Variants in NOS1AP observed in about 807,000 individuals in gnomAD.
NOS1AP encodes the protein nitric oxide synthase 1 adaptor protein.
NOS1AP carries 21 observed loss-of-function variants against 56.2 expected under a neutral mutation model. The ratio of observed to expected loss-of-function variants is 0.37; its 90% CI spans 0.26 to 0.54. The LOEUF is 0.54. Among genes scored for constraint, NOS1AP ranks in the 20% least tolerant of loss-of-function variants. NOS1AP has a pLI of 0.84. For synonymous variants in NOS1AP, 270 were observed against 274.6 expected (o/e 0.98, Z 0.17); for missense variants, 522 against 657.8 (o/e 0.79, Z 2.26).
rs770775573 is a variant in NOS1AP at position 162,287,417 on chromosome 1, T to C, written c.251T>C (p.Ile84Thr). ...GTTTCAGTGGATGGAGTGAAAGTGA[T>C]TCTGAAGAAGAAGAAAAAGGTAAGT... ...IMVSVDGVKV[I>T]LKKKKKLLLL... The change falls in exon 3 of 10, where the codon ATT becomes ACT. Residue 84 changes from isoleucine to threonine, a missense_variant. By Grantham distance (89) the Ile-to-Thr change is moderately conservative. Around this residue, in one of 4 missense-constraint regions of NOS1AP, gnomAD observed 132 missense variants for 218.1 expected, o/e 0.61. Transcript: ENST00000361897. 85 of 1,612,190 alleles carry C rather than the reference T, an allele frequency of 5.3e-5. No homozygotes were observed. Among genetic ancestry groups the C allele is most frequent in the Non-Finnish European group, 5.2e-5 (61 of 1,178,398 alleles).
intron 1 of NOS1AP, among the ~76,000 whole-genome samples, chr1:162,071,869 A>T (rs560908672): frequency 6.6e-6 from 1 of 152,286 alleles, no homozygotes; most frequent in South Asian, 2.1e-4. Context: ...CCTATTTTAC[A>T]AGTAAGAGGG....
intron 4 of NOS1AP, among the ~76,000 whole-genome samples, chr1:162,320,430 A>G (rs1457619171): frequency 6.6e-6 from 1 of 152,188 alleles, no homozygotes; most frequent in African/African-American, 2.4e-5. Context: ...TGCATATAAC[A>G]CTTGAAGGAA....
chr1:162,353,086 G>C (rs369246013), intron 6 of NOS1AP, among the ~76,000 whole-genome samples: 1 of 122,358 alleles, frequency 8.2e-6, no homozygotes. Flanking sequence ...GCCCCCTGAC[G>C]ATCCTTCGAA....
At chr1:162,289,402 A>G (rs1042824079) in intron 3 of NOS1AP, among the ~76,000 whole-genome samples, 4 of 146,746 alleles carry the variant, frequency 2.7e-5, no homozygotes, top group Non-Finnish European at 6.0e-5. Flanking sequence ...AGTTCAACTG[A>G]TTCTCCTGCC....
chr1:162,345,570 A>G (rs967116066), intron 6 of NOS1AP, among the ~76,000 whole-genome samples: 1 of 152,214 alleles, frequency 6.6e-6, no homozygotes, highest in African/African-American at 2.4e-5. Flanking sequence ...ATGACAAATC[A>G]TGAAAGTCAA....
chr1:162,290,784 G>A (rs1655262343), intron 3 of NOS1AP, among the ~76,000 whole-genome samples: 1 of 152,146 alleles, frequency 6.6e-6, no homozygotes, highest in South Asian at 2.1e-4. Flanking sequence ...AGCTGGGAGG[G>A]ACCCTCACCC....
At chr1:162,289,131 G>A (rs1655179732) in intron 3 of NOS1AP, among the ~76,000 whole-genome samples, 3 of 152,090 alleles carry the variant, frequency 2.0e-5, no homozygotes, top group Admixed American at 2.0e-4. Context: ...GACACTCCCA[G>A]AATCTTCCCA....
chr1:162,098,203 C>T (rs1190921350), intron 1 of NOS1AP, among the ~76,000 whole-genome samples: 1 of 147,150 alleles, frequency 6.8e-6, no homozygotes, highest in Non-Finnish European at 1.5e-5. Flanking sequence ...GCCCCCTGGG[C>T]TCAAGCAGTC....
chr1:162,086,987 C>T (rs1324504948), intron 1 of NOS1AP, among the ~76,000 whole-genome samples: 1 of 152,164 alleles, frequency 6.6e-6, no homozygotes, highest in Non-Finnish European at 1.5e-5. Context: ...CTGTGTGCTT[C>T]CTTGTATTGC....
At chr1:162,320,598 G>A (rs1435308578) in intron 4 of NOS1AP, among the ~76,000 whole-genome samples, 1 of 152,196 alleles carries the variant, frequency 6.6e-6, no homozygotes, top group South Asian at 2.1e-4. Flanking sequence ...GCTCACGCCT[G>A]TAATCCCAGC....
chr1:162,321,903 C>G (rs1201487231), intron 4 of NOS1AP, among the ~76,000 whole-genome samples: 1 of 117,684 alleles, frequency 8.5e-6, no homozygotes. Context: ...CTGGGGACTC[C>G]AAAAGGGAAG....
intron 2 of NOS1AP, among the ~76,000 whole-genome samples, chr1:162,209,872 G>T (rs1036519049): frequency 6.6e-6 from 1 of 152,094 alleles, no homozygotes; most frequent in African/African-American, 2.4e-5. Flanking sequence ...CTGGTCATCA[G>T]TGTTGTTGGA....
At position 162,118,316 on chromosome 1, in the gene NOS1AP, C is replaced by T. The variant is rs541815051; in HGVS notation, c.106-36089C>T. ...TCCCATATGCACGTTCATGTGTATT[C>T]AGTGTTTAGCTCCCACTTATAAGCG... On this transcript the variant is annotated intron_variant, in intron 1 of 9. Transcript: ENST00000361897. Among the ~76,000 whole-genome samples, 5 of 152,262 alleles carry T rather than the reference C, an allele frequency of 3.3e-5. No homozygotes were observed. In the East Asian group the frequency reaches 9.6e-4, roughly 29 times the overall value.
intron 2 of NOS1AP, among the ~76,000 whole-genome samples, chr1:162,177,000 A>G (rs963954357): frequency 6.6e-6 from 1 of 152,216 alleles, no homozygotes; most frequent in African/African-American, 2.4e-5. Flanking sequence ...TCATTTGAGT[A>G]TCTGCCTTTC....
At position 162,357,309 on chromosome 1, in the gene NOS1AP, G is replaced by A. The variant is rs1657738251; in HGVS notation, c.939+173G>A. On this transcript the variant is annotated intron_variant, in intron 8 of 9. Transcript: ENST00000361897. Reference sequence around the variant, plus strand: ...GGGCAGCGGGAGGGGGATAGATGGGGGATGCAGTTGAAATGGAGAGGCACA... The same window carrying A: ...GGGCAGCGGGAGGGGGATAGATGGGAGATGCAGTTGAAATGGAGAGGCACA... 15 of 1,217,676 alleles carry A rather than the reference G, an allele frequency of 1.2e-5. No individual in the cohort carries two copies. In the East Asian group the frequency reaches 3.6e-4, roughly 29 times the overall value. The allele number at this position is 1,217,676 out of a possible 1,614,324, so 75.4% of individuals were successfully genotyped here.
chr1:162,154,048 T>G (rs547673919), intron 1 of NOS1AP, among the ~76,000 whole-genome samples: 1 of 151,898 alleles, frequency 6.6e-6, no homozygotes, highest in Admixed American at 6.6e-5. Flanking sequence ...TGATCTTTAC[T>G]GAGAGCCAAT....
At chr1:162,251,397 T>C (rs1332789383) in intron 2 of NOS1AP, among the ~76,000 whole-genome samples, 1 of 152,156 alleles carries the variant, frequency 6.6e-6, no homozygotes, top group Non-Finnish European at 1.5e-5. Context: ...ACGTTTTATG[T>C]GTCCTTGTCC....
chr1:162,192,993 C>G (rs1027371410), intron 2 of NOS1AP, among the ~76,000 whole-genome samples: 5 of 152,038 alleles, frequency 3.3e-5, no homozygotes, highest in Non-Finnish European at 5.9e-5. Flanking sequence ...AAGAGTGTGC[C>G]CATGTGCCAG....
At chr1:162,332,274 C>G (rs556855478) in intron 4 of NOS1AP, among the ~76,000 whole-genome samples, 1 of 152,352 alleles carries the variant, frequency 6.6e-6, no homozygotes, top group Non-Finnish European at 1.5e-5. Context: ...TGTGACCTCC[C>G]TGGCTACCCT....
Sources: gnomAD v4.1 joint callset for allele counts (sites outside exome capture counted in the v4.1 genomes callset) on GRCh38, gnomAD v4.1.1 for gene constraint, gnomAD v4.1.1 regional missense constraint, MANE v1.5 for transcripts, NCBI Gene and HGNC (gene_info 2026-07-23, HGNC 2026-07-21) for gene names.